SNTG1: variants seen among roughly 807,000 people sequenced by gnomAD.
The protein encoded by SNTG1 is gamma-1-syntrophin.
In SNTG1, 39 loss-of-function variants were observed where a neutral mutation model predicts 74.7. The ratio of observed to expected loss-of-function variants is 0.52; its 90% CI spans 0.40 to 0.68. SNTG1 has a LOEUF of 0.68. Among genes scored for constraint, SNTG1 ranks in the 30% least tolerant of loss-of-function variants. SNTG1 has a pLI of 0.00. For synonymous variants in SNTG1, 254 were observed against 217.1 expected, an observed-to-expected ratio of 1.17 and a Z score of -1.49; for missense variants, 685 against 609.5, an observed-to-expected ratio of 1.12 and a Z score of -1.30.
intron 1 of SNTG1, among the ~76,000 whole-genome samples, chr8:50,166,919 A>G (rs2082633874): frequency 6.6e-6 from 1 of 150,644 alleles, no homozygotes; most frequent in Non-Finnish European, 1.5e-5. Flanking sequence ...TGGCAAATAT[A>G]CACCATGGAA....
At chr8:50,715,220 A>G (rs2095472179) in intron 17 of SNTG1, among the ~76,000 whole-genome samples, 1 of 152,152 alleles carries the variant, frequency 6.6e-6, no homozygotes, top group Non-Finnish European at 1.5e-5. Flanking sequence ...AGCACAAAGA[A>G]TATTCATACT....
intron 1 of SNTG1, among the ~76,000 whole-genome samples, chr8:50,094,432 G>A (rs1033340533): frequency 6.6e-6 from 1 of 152,058 alleles, no homozygotes; most frequent in African/African-American, 2.4e-5. Context: ...CAAGTTATAT[G>A]TCTGACAAAG....
chr8:50,328,519 GCAGCAGGA>G (rs1390470900), intron 2 of SNTG1, among the ~76,000 whole-genome samples: 2 of 152,184 alleles, frequency 1.3e-5, no homozygotes, highest in African/African-American at 4.8e-5. Context: ...TCTTCACAAG[GCAGCAGGA>G]CAGAGAGAGC....
rs189734243 is a variant in SNTG1, at chr8:50,792,697, T to A, written c.1422T>A (p.Ala474=). The part of the protein sequence containing the change: ...AKELEFSNLF[A]VLHCIHSFFA... ...AGTTGGAATTTTCTAATTTATTTGC[T>A]GTTCTTCACTGCATTCATTCCTTCT... The change falls in exon 19 of 19, where the codon GCT becomes GCA. Residue 474 remains alanine, a synonymous_variant. Transcript: ENST00000642720. 4.3e-6 allele frequency: 7 copies of A among 1,610,946 alleles called. No individual in the cohort carries two copies. The East Asian group carries it at 1.3e-4, about 31-fold the overall frequency.
intron 13 of SNTG1, 48 bp from the exon 14 acceptor site, chr8:50,656,861 T>C (rs1421694939): frequency 1.7e-6 from 2 of 1,211,192 alleles, no homozygotes; most frequent in Non-Finnish European, 2.4e-6. Context: ...ATATAAGATA[T>C]CTAAAATAAG....
chr8:50,766,463 G>T (rs2095614238), intron 18 of SNTG1, among the ~76,000 whole-genome samples: 1 of 151,808 alleles, frequency 6.6e-6, no homozygotes. Flanking sequence ...ATAGCTATTT[G>T]CGTGTAAAGC....
intron 8 of SNTG1, among the ~76,000 whole-genome samples, chr8:50,488,278 G>T (rs941911606): frequency 6.6e-6 from 1 of 152,152 alleles, no homozygotes; most frequent in African/African-American, 2.4e-5. Flanking sequence ...AAATGGCACA[G>T]TGGAAAAAAT....
intron 2 of SNTG1, among the ~76,000 whole-genome samples, chr8:50,243,670 T>G (rs1223520353): frequency 2.0e-5 from 3 of 146,812 alleles, no homozygotes; most frequent in Non-Finnish European, 4.5e-5. Flanking sequence ...TTGGGCCAGG[T>G]CTCAGGGTAA....
At chr8:50,439,586 C>T (rs2093338578) in intron 5 of SNTG1, among the ~76,000 whole-genome samples, 1 of 151,946 alleles carries the variant, frequency 6.6e-6, no homozygotes, top group African/African-American at 2.4e-5. Context: ...TTTGTACATT[C>T]AGTTTATCAA....
At chr8:50,021,216 G>A (rs993063998) in intron 1 of SNTG1, among the ~76,000 whole-genome samples, 1 of 152,132 alleles carries the variant, frequency 6.6e-6, no homozygotes, top group Admixed American at 6.5e-5. Context: ...TCAAATGAAA[G>A]AGCTATAAGT....
At chr8:50,315,783 C>T (rs1421653136) in intron 2 of SNTG1, among the ~76,000 whole-genome samples, 1 of 152,102 alleles carries the variant, frequency 6.6e-6, no homozygotes, top group Non-Finnish European at 1.5e-5. Flanking sequence ...ACCATCAAAG[C>T]TCTGCTATTG....
At chr8:49,962,209 C>A (rs1256847326) in intron 1 of SNTG1, among the ~76,000 whole-genome samples, 1 of 151,766 alleles carries the variant, frequency 6.6e-6, no homozygotes, top group Non-Finnish European at 1.5e-5. Flanking sequence ...TCAGATGAGG[C>A]GGCTAGTTGG....
At chr8:50,511,222 G>A (rs373324610) in intron 9 of SNTG1, among the ~76,000 whole-genome samples, 18 of 152,254 alleles carry the variant, frequency 1.2e-4, no homozygotes, top group South Asian at 4.1e-4. Flanking sequence ...GTAGTTGAGC[G>A]GTTTTGACTG....
chr8:50,611,873 C>T (rs2094852495), intron 13 of SNTG1, among the ~76,000 whole-genome samples: 1 of 152,064 alleles, frequency 6.6e-6, no homozygotes, highest in Admixed American at 6.6e-5. Context: ...TTCAAACAAT[C>T]CTCCTACCTC....
intron 1 of SNTG1, among the ~76,000 whole-genome samples, chr8:49,994,703 AT>A (rs141549703): frequency 0.068 from 10,139 of 149,778 alleles, 573 homozygotes; most frequent in African/African-American, 0.15. Context: ...ATAGCTACTC[AT>A]TTTTTTTTTC....
At chr8:50,564,497 G>T (rs2094505273) in intron 12 of SNTG1, among the ~76,000 whole-genome samples, 1 of 151,976 alleles carries the variant, frequency 6.6e-6, no homozygotes, top group Non-Finnish European at 1.5e-5. Context: ...TCATGTATGG[G>T]CCAGAAAGCC....
At chr8:50,180,447 GAA>G (rs1280595262) in intron 2 of SNTG1, among the ~76,000 whole-genome samples, 1 of 152,074 alleles carries the variant, frequency 6.6e-6, no homozygotes, top group African/African-American at 2.4e-5. Flanking sequence ...ATACAAAAAA[GAA>G]AGTAATAAAA....
At chr8:50,553,011 A>G (rs1472418723) in intron 11 of SNTG1, 39 bp from the exon 12 acceptor site, 1 of 1,609,706 alleles carries the variant, frequency 6.2e-7, no homozygotes, top group Non-Finnish European at 8.5e-7. Context: ...TAGATCAATG[A>G]CATGAGGTTT....
At chr8:50,709,597 T>C (rs1237107954) in intron 17 of SNTG1, among the ~76,000 whole-genome samples, 3 of 152,094 alleles carry the variant, frequency 2.0e-5, no homozygotes, top group African/African-American at 7.2e-5. Flanking sequence ...AAAAATCCAA[T>C]TTTGATTATT....
Sources: allele counts gnomAD v4.1 joint callset (sites outside exome capture counted in the v4.1 genomes callset), GRCh38; gene constraint gnomAD v4.1.1; transcripts MANE v1.5; gene names NCBI Gene and HGNC (gene_info 2026-07-23, HGNC 2026-07-21).